WRAP73: variants seen among roughly 807,000 people sequenced by gnomAD.
WRAP73 encodes WD repeat-containing protein WRAP73.
WRAP73 carries 55 observed loss-of-function variants against 59.6 expected under a neutral mutation model. The observed-to-expected ratio is 0.92, with a 90% CI of 0.74 to 1.15. WRAP73 has a LOEUF of 1.15. Among genes scored for constraint, WRAP73 ranks in the 50% most tolerant of loss-of-function variants. WRAP73 has a pLI of 0.00. For missense variants in WRAP73, 592 were observed against 608.1 expected, an observed-to-expected ratio of 0.97 and a Z score of 0.28; for synonymous variants, 265 against 258.2, an observed-to-expected ratio of 1.03 and a Z score of -0.25.
rs1380648371 is a variant in WRAP73, at chr1:3,638,695, A to G, written c.412+55T>C. On this transcript the variant is annotated intron_variant, in intron 4 of 11. Transcript: ENST00000270708. ...CTGCCTCTTTGAAACTTCCCGTGAC[A>G]AAAAAGTCAAACAGCTGCAAAGAAA... is the stretch of plus-strand genomic sequence containing the variant. The G allele has an allele frequency of 8.1e-6, 13 of 1,604,884 alleles. No homozygotes were observed. In the East Asian group the frequency reaches 2.9e-4, roughly 36 times the overall value.
Position 3,645,097 on chromosome 1 carries a change from A to C in WRAP73, c.339+1569T>G, listed in dbSNP as rs111688941. ...CTGACAGCCCATAATAGCAGACATT[A>C]GATTTGGAGTATTTTTTAAAATCGA... On this transcript the variant is annotated intron_variant, in intron 3 of 11. Transcript: ENST00000270708. Among the ~76,000 whole-genome samples the C allele has an allele frequency of 3.8e-4, 58 of 152,348 alleles. 1 individual carries two copies. The highest frequency in any genetic ancestry group is 1.3e-3 in the African/African-American group (55 of 41,578).
chr1:3,631,478 C>T lies in WRAP73; in HGVS notation c.1228G>A (p.Val410Met). The T allele has an allele frequency of 1.2e-6, 2 of 1,600,030 alleles. No homozygotes were observed. The highest frequency in any genetic ancestry group is 1.7e-6 in the Non-Finnish European group (2 of 1,173,416). The change falls in exon 11 of 12, where the codon GTG becomes ATG. Residue 410 changes from valine (V) to methionine (M), a missense_variant. Coordinates refer to ENST00000270708, the MANE Select transcript of WRAP73 (RefSeq NM_017818.4). ...WSPAGCMSVQVPGEGDFAVLS... is the reference protein window; with the variant it reads ...WSPAGCMSVQMPGEGDFAVLS... ...GGGATGTGCTTACCTTCCCCAGGCA[C>T]CTGCACCGACATGCAGCCCGCTGGG...
At chr1:3,636,407 C>T (rs1481579704) in intron 5 of WRAP73, 3 of 314,074 alleles carry the variant, frequency 9.6e-6, no homozygotes, top group African/African-American at 6.5e-5. Context: ...CCGAAGGTGG[C>T]TTGGTCTCCC....
chr1:3,634,890 T>G, intron 8 of WRAP73, 107 bp downstream of exon 8: 1 of 1,313,040 alleles, frequency 7.6e-7, no homozygotes. Flanking sequence ...GTGATGGAAG[T>G]GCCCGGTTAA....
At chr1:3,649,049 G>C (rs1363989222) in intron 1 of WRAP73, among the ~76,000 whole-genome samples, 1 of 152,196 alleles carries the variant, frequency 6.6e-6, no homozygotes, top group Non-Finnish European at 1.5e-5. Context: ...TGGTGGATAA[G>C]GAAAACGAAG....
intron 1 of WRAP73, among the ~76,000 whole-genome samples, chr1:3,648,005 G>A (rs180992030): frequency 2.0e-5 from 3 of 152,294 alleles, no homozygotes; most frequent in African/African-American, 4.8e-5. Flanking sequence ...AGATGACAAC[G>A]AAAATGGCAA....
At chr1:3,634,370 A>G (rs1644569536) in intron 8 of WRAP73, 1 of 157,818 alleles carries the variant, frequency 6.3e-6, no homozygotes, top group Admixed American at 6.0e-5. Flanking sequence ...GGAGGGCAGC[A>G]TTTGTCTCTG....
At position 3,631,526 on chromosome 1, in the gene WRAP73, C is replaced by T; in HGVS notation, c.1180G>A (p.Gly394Ser). The change falls in exon 11 of 12, where the codon GGC becomes AGC. Residue 394 changes from glycine to serine, a missense_variant. By Grantham distance (56) the Gly-to-Ser change is moderately conservative. Transcript: ENST00000270708. ...GGGGACCACAGGTAGAGCCTGCTGCCTCCCGTGCAGATGGCCAGCCGCGGC... is the reference window on the plus strand; with the variant it reads ...GGGGACCACAGGTAGAGCCTGCTGCTTCCCGTGCAGATGGCCAGCCGCGGC... Reference protein sequence around the residue: ...QQPRLAICTGGSRLYLWSPAG... With the variant: ...QQPRLAICTGSSRLYLWSPAG... 2 of 1,610,562 alleles carry T rather than the reference C, an allele frequency of 1.2e-6. No homozygotes were observed. The highest frequency in any genetic ancestry group is 1.7e-6 in the Non-Finnish European group (2 of 1,179,032).
rs1024110977 is a variant in WRAP73 at position 3,639,384 on chromosome 1, A to G, written c.340-562T>C. On this transcript the variant is annotated intron_variant, in intron 3 of 11. Coordinates refer to ENST00000270708, the MANE Select transcript of WRAP73 (RefSeq NM_017818.4). This position sits in a 1 kb window ranked among gnomAD's most constrained non-coding sequence, Gnocchi z 4.3. Reference sequence around the variant, plus strand: ...TAGAACATGCGCTGCTGGACTGTCCACTTTTCCACCCCTTTCCCTGACTCA... The same window carrying G: ...TAGAACATGCGCTGCTGGACTGTCCGCTTTTCCACCCCTTTCCCTGACTCA... 14 of 149,562 alleles carry G rather than the reference A, an allele frequency of 9.4e-5. No homozygotes were observed. The highest frequency in any genetic ancestry group is 3.4e-4 in the African/African-American group (14 of 41,256). The allele number at this position is 149,562 out of a possible 1,614,324, so 9.3% of individuals were successfully genotyped here.
intron 4 of WRAP73, among the ~76,000 whole-genome samples, chr1:3,637,320 G>A (rs1262095214): frequency 6.6e-6 from 1 of 152,198 alleles, no homozygotes; most frequent in African/African-American, 2.4e-5. Flanking sequence ...GTGTGTGCTG[G>A]GGGAAGCTGT....
At position 3,641,831 on chromosome 1, in the gene WRAP73, T is replaced by C. The variant is rs566341479; in HGVS notation, c.340-3009A>G. Among the ~76,000 whole-genome samples the C allele has an allele frequency of 7.2e-5, 11 of 152,310 alleles. No homozygotes were observed. The South Asian group carries it at 1.2e-3, about 17-fold the overall frequency. On this transcript the variant is annotated intron_variant, in intron 3 of 11. Transcript: ENST00000270708. ...TATTTACAACATACACACTCAAGTT[T>C]AAGGATGCAGAAATGTAGAAGGTAA...
In WRAP73 at chr1:3,635,946, C is replaced by A; in HGVS notation, c.601G>T (p.Glu201Ter). The change falls in exon 6 of 12, where the codon GAG (glutamate) becomes TAG (stop). Residue 201 changes from glutamate to a stop codon, truncating the protein, a stop_gained and splice_region_variant. Transcript: ENST00000270708. LOFTEE classifies it high-confidence loss of function. ...ATGTCACCTGGTCATCTTCATACCTCCAAGCAGGTGTCCCACACTGCCAGC... is the reference window on the plus strand; with the variant it reads ...ATGTCACCTGGTCATCTTCATACCTACAAGCAGGTGTCCCACACTGCCAGC... ...CVLAVWDTCL[E>*]YKILLYSLDG... The A allele has an allele frequency of 6.2e-7, 1 of 1,613,848 alleles. No homozygotes were observed. Among genetic ancestry groups the A allele is most frequent in the African/African-American group, 1.3e-5 (1 of 75,054 alleles).
Position 3,636,031 on chromosome 1 carries a change from C to T in WRAP73, c.517-1G>A, listed in dbSNP as rs761018073. ...GATCCTGGGTGTCCGTATCAAAATG[C>T]TTCCAAAGGAAGGGGGGGAAACATT... On this transcript the variant is annotated splice_acceptor_variant, in intron 5 of 11. Coordinates refer to ENST00000270708, the MANE Select transcript of WRAP73 (RefSeq NM_017818.4). LOFTEE classifies it high-confidence loss of function. 23 of 1,612,976 alleles carry T rather than the reference C, an allele frequency of 1.4e-5. No individual in the cohort carries two copies. Among genetic ancestry groups the T allele is most frequent in the Non-Finnish European group, 1.4e-5 (17 of 1,179,354 alleles).
At chr1:3,637,691 G>A (rs968306622) in intron 4 of WRAP73, among the ~76,000 whole-genome samples, 14 of 152,196 alleles carry the variant, frequency 9.2e-5, no homozygotes, top group African/African-American at 2.4e-4. Context: ...AATATCAGCC[G>A]GCTGTGATGG....
At chr1:3,647,694 G>A in intron 1 of WRAP73, 134 bp from the exon 2 acceptor site, 1 of 902,982 alleles carries the variant, frequency 1.1e-6, no homozygotes, top group African/African-American at 1.7e-5. Flanking sequence ...GATCACCAGT[G>A]ACATCCCCAG....
intron 1 of WRAP73, 23 bp from the exon 2 acceptor site, chr1:3,647,583 C>T: frequency 1.2e-6 from 2 of 1,607,380 alleles, no homozygotes; most frequent in East Asian, 2.2e-5. Context: ...AGAAAGCAAG[C>T]ACCTGACATT....
chr1:3,633,291 A>G, intron 9 of WRAP73, 107 bp downstream of exon 9: 1 of 1,197,468 alleles, frequency 8.4e-7, no homozygotes, highest in Non-Finnish European at 1.2e-6. Context: ...CATGGAAGGG[A>G]AAAAAAGTTT....
rs375432272 is a variant in WRAP73 at position 3,650,067 on chromosome 1, C to T, written c.-68G>A. 51 of 465,810 alleles carry T rather than the reference C, an allele frequency of 1.1e-4. No individual in the cohort carries two copies. The highest frequency in any genetic ancestry group is 2.1e-4 in the African/African-American group (10 of 47,622). The allele number at this position is 465,810 out of a possible 1,614,324, so 28.9% of individuals were successfully genotyped here. On this transcript the variant is annotated 5_prime_UTR_variant, in exon 1 of 12. Transcript: ENST00000270708. ...GCGGGACCCCTGGGCGCGCAGCAGGCTGCAACAGCCGACGCCGGCCTCCGA... is the reference window on the plus strand; with the variant it reads ...GCGGGACCCCTGGGCGCGCAGCAGGTTGCAACAGCCGACGCCGGCCTCCGA...
intron 4 of WRAP73, 119 bp from the exon 5 acceptor site, chr1:3,637,217 T>G: frequency 4.8e-5 from 40 of 831,482 alleles, no homozygotes; most frequent in Non-Finnish European, 5.6e-5. Flanking sequence ...AGAAGGGAAA[T>G]GGCACAATGC....
Sources: gnomAD v4.1 joint callset for allele counts (sites outside exome capture counted in the v4.1 genomes callset) on GRCh38, gnomAD v4.1.1 for gene constraint, Gnocchi (gnomAD v3.1) non-coding constraint, MANE v1.5 for transcripts, NCBI Gene and HGNC (gene_info 2026-07-23, HGNC 2026-07-21) for gene names.